The following QTRT1 variants were observed in gnomAD, a reference collection of about 807,000 sequenced individuals.
QTRT1 encodes queuine tRNA-ribosyltransferase catalytic subunit 1, also known as TGT, 43-KD subunit.
In QTRT1, 41 loss-of-function variants were observed where a neutral mutation model predicts 44.0. The ratio of observed to expected loss-of-function variants is 0.93; its 90% confidence interval spans 0.73 to 1.21. The LOEUF (loss-of-function observed/expected upper bound fraction) is 1.21, where lower values mean the gene tolerates loss of function less well. Among genes scored for constraint, QTRT1 ranks in the 50% most tolerant of loss-of-function variants. The pLI, the probability that QTRT1 is intolerant of heterozygous loss-of-function variation, is 0.00. For missense variants in QTRT1, 542 were observed against 575.8 expected (o/e 0.94, Z 0.60); for synonymous variants, 226 against 237.1 (o/e 0.95, Z 0.43).
chr19:10,712,975 G>T lies in QTRT1; in HGVS notation c.994G>T (p.Ala332Ser), dbSNP rs761284281. The T allele has an allele frequency of 3.1e-6, 5 of 1,612,758 alleles. No individual in the cohort carries two copies. Among genetic ancestry groups the T allele is most frequent in the Non-Finnish European group, 4.2e-6 (5 of 1,179,924 alleles). ...CQKHSRAFLH[A>S]LLHSDNTAAL... ...CAGGCACAGCCGCGCCTTCCTGCAC[G>T]CACTGCTGCACAGTGACAACACGGC... Residue 332 changes from alanine to serine, a missense_variant, in exon 9 of 10, where the codon GCA becomes TCA. By Grantham distance (99) the Ala-to-Ser change is moderately conservative. Transcript: ENST00000250237. The surrounding 1 kb of genome is among the most constrained non-coding windows in gnomAD (Gnocchi z 5.6).
chr19:10,701,799 A>G (rs2068690381), intron 1 of QTRT1, 96 bp downstream of exon 1: 2 of 1,568,282 alleles, frequency 1.3e-6, no homozygotes, highest in South Asian at 1.2e-5. Context: ...CCCAAAGTCA[A>G]TCGACCAGCT....
rs115279012 is a variant in QTRT1, at chr19:10,704,176, C to T, written c.451+1922C>T. Among the ~76,000 whole-genome samples, 454 of 152,102 alleles carry T rather than the reference C, an allele frequency of 3.0e-3. 1 individual carries two copies. Among genetic ancestry groups the T allele is most frequent in the African/African-American group, 0.011 (439 of 41,498 alleles). On this transcript the variant is annotated intron_variant, in intron 3 of 9. Coordinates refer to ENST00000250237, the MANE Select transcript of QTRT1 (RefSeq NM_031209.3). ...ATTTTTTGTAGAGATTAGAGTCTCA[C>T]TACATTATCTGGGCTGGTCTTGAAC...
rs773330704 is a variant in QTRT1, at chr19:10,713,171, C to G, written c.1113C>G (p.Asp371Glu). Reference protein sequence around the residue: ...RTSIVEKRFPDFVRDFMGAMY... With the variant: ...RTSIVEKRFPEFVRDFMGAMY... ...GCATCGTGGAGAAGCGCTTCCCGGA[C>G]TTCGTGCGGGACTTCATGGGCGCCA... Residue 371 changes from aspartate (D) to glutamate (E), a missense_variant, in exon 10 of 10, where the codon GAC (aspartate) becomes GAG (glutamate). By Grantham distance (45) the Asp-to-Glu change is conservative. Transcript: ENST00000250237. The surrounding 1 kb of genome is among the most constrained non-coding windows in gnomAD (Gnocchi z 4.3). 6.2e-7 allele frequency: 1 copy of G among 1,609,596 alleles called. No individual in the cohort carries two copies. Among genetic ancestry groups the G allele is most frequent in the South Asian group, 1.1e-5 (1 of 90,762 alleles).
Position 10,702,140 on chromosome 19 carries a change from T to G in QTRT1, c.337T>G (p.Ser113Ala). The change falls in exon 3 of 10, where the codon TCG becomes GCG. Residue 113 changes from serine to alanine, a missense_variant. Physicochemically the swap from Ser to Ala is moderately conservative, Grantham distance 99. Coordinates refer to ENST00000250237, the MANE Select transcript of QTRT1 (RefSeq NM_031209.3). ...GGACAGCGGCGGTTTCCAGATGGTG[T>G]CGCTGGTGTCTCTGTCCGAGGTGAC... Reference protein sequence around the residue: ...LTDSGGFQMVSLVSLSEVTEE... With the variant: ...LTDSGGFQMVALVSLSEVTEE... 6.2e-7 allele frequency: 1 copy of G among 1,614,088 alleles called. No homozygotes were observed. Among genetic ancestry groups the G allele is most frequent in the Non-Finnish European group, 8.5e-7 (1 of 1,180,016 alleles).
chr19:10,708,742 C>T (rs2068725588), intron 5 of QTRT1, among the ~76,000 whole-genome samples: 2 of 151,290 alleles, frequency 1.3e-5, no homozygotes, highest in South Asian at 4.2e-4. Context: ...CCCCAGACAA[C>T]GCCTGCATTC....
intron 3 of QTRT1, chr19:10,706,917 A>G: frequency 4.0e-6 from 1 of 247,764 alleles, no homozygotes; most frequent in Non-Finnish European, 8.0e-6. Context: ...TCCTGACCTC[A>G]GATGACCTGC....
At position 10,701,990 on chromosome 19, in the gene QTRT1, T is replaced by G. The variant is rs770060335; in HGVS notation, c.284T>G (p.Phe95Cys). The stretch of plus-strand genomic sequence containing the variant: ...CAGAAAGCCAACGGTCTCCACGGCT[T>G]CATGAATTGGCCTCATAATCTGCTA... ...LIQKANGLHG[F>C]MNWPHNLLTD... is the part of the protein sequence containing the mutation. Residue 95 changes from phenylalanine to cysteine, a missense_variant, in exon 2 of 10, where the codon TTC becomes TGC. Physicochemically the swap from Phe to Cys is radical, Grantham distance 205. Coordinates refer to ENST00000250237, the MANE Select transcript of QTRT1 (RefSeq NM_031209.3). 1 of 1,614,174 alleles carries G rather than the reference T, an allele frequency of 6.2e-7. No homozygotes were observed. Among genetic ancestry groups the G allele is most frequent in the South Asian group, 1.1e-5 (1 of 91,080 alleles).
In QTRT1 at chr19:10,712,802, G is replaced by T; in HGVS notation, c.906G>T (p.Arg302Ser). ...ALVPTGNLQL[R>S]KKVFEKDFGP... Reference sequence around the variant, plus strand: ...TGCCCACTGGGAACCTGCAGTTGAGGAAGAAGGTGTTTGAGAAGGACTTCG... The same window carrying T: ...TGCCCACTGGGAACCTGCAGTTGAGTAAGAAGGTGTTTGAGAAGGACTTCG... The change falls in exon 8 of 10, where the codon AGG becomes AGT. Residue 302 changes from arginine to serine, a missense_variant. Transcript: ENST00000250237. The surrounding 1 kb of genome is among the most constrained non-coding windows in gnomAD (Gnocchi z 5.6). 1.2e-6 allele frequency: 2 copies of T among 1,614,050 alleles called. No individual in the cohort carries two copies. Among genetic ancestry groups the T allele is most frequent in the Non-Finnish European group, 1.7e-6 (2 of 1,180,000 alleles).
At chr19:10,701,807 G>T in intron 1 of QTRT1, 104 bp downstream of exon 1, 1 of 1,570,700 alleles carries the variant, frequency 6.4e-7, no homozygotes, top group Non-Finnish European at 8.7e-7. Flanking sequence ...CAATCGACCA[G>T]CTGTATTGAG....
In QTRT1 at chr19:10,712,054, T is replaced by A; in HGVS notation, c.647-107T>A. 7.1e-7 allele frequency: 1 copy of A among 1,408,640 alleles called. No homozygotes were observed. Among genetic ancestry groups the A allele is most frequent in the South Asian group, 1.2e-5 (1 of 86,526 alleles). 87.3% of individuals were successfully genotyped at this position (1,408,640 alleles called of 1,614,324 possible). On this transcript the variant is annotated intron_variant, in intron 5 of 9. Coordinates refer to ENST00000250237, the MANE Select transcript of QTRT1 (RefSeq NM_031209.3). This position sits in a 1 kb window ranked among gnomAD's most constrained non-coding sequence, Gnocchi z 5.6. ...GTCTGTCTGTCTCTGTCTGTTTCTC[T>A]GACTCTCTCCCTGAGCGACTCTGGA...
chr19:10,713,021 TC>T lies in QTRT1; in HGVS notation c.1042del (p.His348ThrfsTer10). ...DNTAALHHLT[V>X]HNIAYQLQLM... is the part of the protein sequence containing the mutation. ...ACGGCCGCGCTGCACCACCTCACGG[TC>T]CACAACATCGCCTACCAGGTGAGCC... is the stretch of plus-strand genomic sequence containing the variant. On this transcript the variant is annotated frameshift_variant, in exon 9 of 10. Coordinates refer to ENST00000250237, the MANE Select transcript of QTRT1 (RefSeq NM_031209.3). LOFTEE classifies it high-confidence loss of function. The surrounding 1 kb of genome is among the most constrained non-coding windows in gnomAD (Gnocchi z 4.3). 3 of 1,611,208 alleles carry T rather than the reference TC, an allele frequency of 1.9e-6. No individual in the cohort carries two copies. In the South Asian group the frequency reaches 3.3e-5, roughly 18 times the overall value.
chr19:10,713,246 C>G lies in QTRT1; in HGVS notation c.1188C>G (p.Ala396=). The change falls in exon 10 of 10, where the codon GCC becomes GCG. Residue 396 remains alanine, a synonymous_variant. Transcript: ENST00000250237. The surrounding 1 kb of genome is among the most constrained non-coding windows in gnomAD (Gnocchi z 4.3). ...LCPTWATDAL[A]SVGITLG ...CCACCTGGGCCACTGACGCTCTGGC[C>G]TCTGTGGGAATCACACTGGGCTGAC... is the stretch of plus-strand genomic sequence containing the variant. 6.3e-7 allele frequency: 1 copy of G among 1,595,328 alleles called. No homozygotes were observed. The highest frequency in any genetic ancestry group is 8.5e-7 in the Non-Finnish European group (1 of 1,170,706).
chr19:10,709,585 C>T (rs1488704750), intron 5 of QTRT1, among the ~76,000 whole-genome samples: 4 of 152,138 alleles, frequency 2.6e-5, no homozygotes, highest in Non-Finnish European at 4.4e-5. Context: ...TGGTGGCTCG[C>T]GCCTGTAATC....
rs1389093511 is a variant in QTRT1 at position 10,707,601 on chromosome 19, C to T, written c.632C>T (p.Ala211Val). Residue 211 changes from alanine to valine, a missense_variant, in exon 5 of 10, where the codon GCC becomes GTC. By Grantham distance (64) the Ala-to-Val change is moderately conservative (BLOSUM62 0). Coordinates refer to ENST00000250237, the MANE Select transcript of QTRT1 (RefSeq NM_031209.3). ...GGTGGGCTGGACGCAGATCTCCGGG[C>T]CACCTGCCTTGAAGGTAGAGCCATG... is the stretch of plus-strand genomic sequence containing the variant. ...IQGGLDADLR[A>V]TCLEEMTKRD... 1 of 1,604,794 alleles carries T rather than the reference C, an allele frequency of 6.2e-7. No individual in the cohort carries two copies. Among genetic ancestry groups the T allele is most frequent in the Non-Finnish European group, 8.5e-7 (1 of 1,175,900 alleles).
rs2145617407 is a variant in QTRT1 at position 10,702,288 on chromosome 19, T to C, written c.451+34T>C. 3 of 1,603,998 alleles carry C rather than the reference T, an allele frequency of 1.9e-6. No homozygotes were observed. In the East Asian group the frequency reaches 6.8e-5, roughly 36 times the overall value. On this transcript the variant is annotated intron_variant, in intron 3 of 9. Transcript: ENST00000250237. ...ACCCTGGGGAGCCGCCTCCTTACCC[T>C]GTCTGTCAGGGGGTGAAGTTTACAC...
chr19:10,709,765 C>T lies in QTRT1; in HGVS notation c.646+2150C>T, dbSNP rs527566237. Among the ~76,000 whole-genome samples, 61 of 152,020 alleles carry T rather than the reference C, an allele frequency of 4.0e-4. No individual in the cohort carries two copies. In the East Asian group the frequency reaches 6.2e-3, roughly 15 times the overall value. On this transcript the variant is annotated intron_variant, in intron 5 of 9. Transcript: ENST00000250237. Reference sequence around the variant, plus strand: ...TCGGGAGGCCGAGGCAGGAGAATGGCGTGAACCTGGGAGACAGAGCTTGCA... The same window carrying T: ...TCGGGAGGCCGAGGCAGGAGAATGGTGTGAACCTGGGAGACAGAGCTTGCA...
chr19:10,711,998 C>T, intron 5 of QTRT1, 163 bp from the exon 6 acceptor site: 1 of 815,076 alleles, frequency 1.2e-6, no homozygotes, highest in Admixed American at 2.2e-5. Flanking sequence ...CCTCTGTCTC[C>T]CTCTCCGTCT....
At chr19:10,705,881 A>C (rs2068711520) in intron 3 of QTRT1, among the ~76,000 whole-genome samples, 1 of 95,304 alleles carries the variant, frequency 1.0e-5, no homozygotes, top group African/African-American at 4.2e-5. Context: ...GTGGAGACAG[A>C]GTCTCGCTCT....
intron 3 of QTRT1, among the ~76,000 whole-genome samples, chr19:10,704,586 A>G (rs146359159): frequency 0.021 from 2,935 of 143,130 alleles, 103 homozygotes; most frequent in African/African-American, 0.073. Context: ...GAGCCACCGC[A>G]CCCGGCCTCT....
Sources: allele counts gnomAD v4.1 joint callset (sites outside exome capture counted in the v4.1 genomes callset), GRCh38; gene constraint gnomAD v4.1.1; non-coding constraint Gnocchi (gnomAD v3.1); transcripts MANE v1.5; gene names NCBI Gene and HGNC (gene_info 2026-07-23, HGNC 2026-07-21).